ADCY2: variants seen among roughly 807,000 people sequenced by gnomAD.
ADCY2 encodes the protein adenylate cyclase 2.
Under a neutral mutation model 125.2 loss-of-function variants are expected in ADCY2, and 31 were observed. The observed-to-expected ratio is 0.25, with a 90% CI of 0.19 to 0.33. ADCY2 has a LOEUF of 0.33. Among genes scored for constraint, ADCY2 ranks in the 10% least tolerant of loss-of-function variants. ADCY2 has a pLI of 1.00. For missense variants in ADCY2, 904 were observed against 1,418.2 expected (o/e 0.64, Z 5.82); for synonymous variants, 512 against 548.4 (o/e 0.93, Z 0.93).
intron 3 of ADCY2, among the ~76,000 whole-genome samples, chr5:7,557,477 A>G (rs1363167559): frequency 6.6e-6 from 1 of 152,064 alleles, no homozygotes; most frequent in Non-Finnish European, 1.5e-5. Context: ...TCACCCAGGT[A>G]TTAAGCCTAG....
At chr5:7,821,953 T>C (rs185241973) in intron 24 of ADCY2, among the ~76,000 whole-genome samples, 2 of 151,842 alleles carry the variant, frequency 1.3e-5, no homozygotes, top group South Asian at 2.1e-4. Flanking sequence ...AGGAAGGAGA[T>C]TGGAACAGTG....
At chr5:7,473,433 T>A (rs1335492940) in intron 2 of ADCY2, among the ~76,000 whole-genome samples, 3 of 151,840 alleles carry the variant, frequency 2.0e-5, no homozygotes, top group Non-Finnish European at 2.9e-5. Context: ...GGACAAGAAT[T>A]CACTCATTAT....
chr5:7,400,244 T>G (rs953706019), intron 1 of ADCY2, among the ~76,000 whole-genome samples: 15 of 152,236 alleles, frequency 9.9e-5, no homozygotes, highest in Non-Finnish European at 2.9e-5. Flanking sequence ...AAAGTAGATT[T>G]TTTTTAGTAT....
intron 4 of ADCY2, among the ~76,000 whole-genome samples, chr5:7,653,276 C>T (rs764333213): frequency 2.0e-5 from 3 of 152,050 alleles, no homozygotes; most frequent in Admixed American, 6.6e-5. Context: ...CCAGCCTGGG[C>T]GTGGGTTTCA....
chr5:7,467,173 T>C (rs1055501330), intron 2 of ADCY2, among the ~76,000 whole-genome samples: 2 of 152,214 alleles, frequency 1.3e-5, no homozygotes, highest in African/African-American at 4.8e-5. Flanking sequence ...CTAACCCAGA[T>C]AGTGGCTTCG....
At position 7,816,888 on chromosome 5, in the gene ADCY2, A is replaced by G; in HGVS notation, c.2906A>G (p.His969Arg). The G allele has an allele frequency of 6.2e-7, 1 of 1,614,192 alleles. No individual in the cohort carries two copies. The highest frequency in any genetic ancestry group is 8.5e-7 in the Non-Finnish European group (1 of 1,180,026). Reference sequence around the variant, plus strand: ...CAGGAGCCCGAGCGGCAGTACATGCACATTGGCACCATGGTGGAGTTTGCT... The same window carrying G: ...CAGGAGCCCGAGCGGCAGTACATGCGCATTGGCACCATGGTGGAGTTTGCT... ...HSQEPERQYM[H>R]IGTMVEFAFA... Residue 969 changes from histidine (H) to arginine (R), a missense_variant, in exon 23 of 25, where the codon CAC (histidine) becomes CGC (arginine). By Grantham distance (29) the His-to-Arg change is conservative (BLOSUM62 0). This residue lies in a region of ADCY2 where 181 missense variants were observed against 381.6 expected (regional missense o/e 0.47). Coordinates refer to ENST00000338316, the MANE Select transcript of ADCY2 (RefSeq NM_020546.3).
Position 7,652,839 on chromosome 5 carries a change from G to A in ADCY2, c.720+26523G>A, listed in dbSNP as rs549804171. Among the ~76,000 whole-genome samples the A allele has an allele frequency of 1.0e-3, 156 of 152,230 alleles. 2 individuals are homozygous for A. Among genetic ancestry groups the A allele is most frequent in the African/African-American group, 3.6e-3 (150 of 41,546 alleles). ...AAGAGACCCTCTCTTGCTCTGTGGC[G>A]TGCCCTGACCAAGACACACTGACCT... is the stretch of plus-strand genomic sequence containing the variant. On this transcript the variant is annotated intron_variant, in intron 4 of 24. Coordinates refer to ENST00000338316, the MANE Select transcript of ADCY2 (RefSeq NM_020546.3).
chr5:7,619,759 A>G (rs1212638683), intron 3 of ADCY2, among the ~76,000 whole-genome samples: 1 of 152,192 alleles, frequency 6.6e-6, no homozygotes, highest in Non-Finnish European at 1.5e-5. Context: ...AGGGAAGCCA[A>G]AATCTTCATG....
intron 3 of ADCY2, among the ~76,000 whole-genome samples, chr5:7,611,524 A>G (rs949712241): frequency 5.9e-5 from 9 of 152,166 alleles, no homozygotes; most frequent in South Asian, 2.1e-4. Flanking sequence ...ATGGAAATGA[A>G]TATTTTTAAC....
chr5:7,617,596 A>C (rs953328465), intron 3 of ADCY2, among the ~76,000 whole-genome samples: 4 of 152,212 alleles, frequency 2.6e-5, no homozygotes, highest in Non-Finnish European at 4.4e-5. Flanking sequence ...AGTCTTGTCC[A>C]CTTGGGAAAA....
intron 7 of ADCY2, 152 bp from the exon 8 acceptor site, chr5:7,706,592 G>A: frequency 2.4e-6 from 2 of 822,342 alleles, no homozygotes; most frequent in Non-Finnish European, 3.9e-6. Context: ...TCCCTTCTTA[G>A]CTCAGAGGAG....
At chr5:7,512,255 G>C (rs1381065725) in intron 2 of ADCY2, among the ~76,000 whole-genome samples, 1 of 99,198 alleles carries the variant, frequency 1.0e-5, no homozygotes, top group Non-Finnish European at 2.0e-5. Flanking sequence ...ACCATCAGAG[G>C]GCTATAAACA....
chr5:7,774,769 G>A (rs892866642), intron 18 of ADCY2, among the ~76,000 whole-genome samples: 9 of 152,230 alleles, frequency 5.9e-5, no homozygotes, highest in South Asian at 2.1e-4. Context: ...GAGAAGCCTC[G>A]GCGACTTGCC....
At position 7,627,103 on chromosome 5, in the gene ADCY2, C is replaced by T. The variant is rs529782649; in HGVS notation, c.720+787C>T. ...AGCCTCCCCCTCATCGCCCCCTCAC[C>T]GTGCTGTGCCATCACAGCACTTCCT... On this transcript the variant is annotated intron_variant, in intron 4 of 24. Transcript: ENST00000338316. Among the ~76,000 whole-genome samples the T allele has an allele frequency of 1.9e-3, 294 of 152,234 alleles. 2 individuals carry two copies. The highest frequency in any genetic ancestry group is 3.2e-3 in the Non-Finnish European group (220 of 68,012).
intron 4 of ADCY2, among the ~76,000 whole-genome samples, chr5:7,643,320 G>A (rs935571609): frequency 2.0e-5 from 3 of 151,800 alleles, no homozygotes; most frequent in Admixed American, 6.6e-5. Flanking sequence ...AATACTGTTG[G>A]GACGTACATT....
chr5:7,573,675 G>A (rs567621690), intron 3 of ADCY2, among the ~76,000 whole-genome samples: 6 of 148,092 alleles, frequency 4.1e-5, no homozygotes, highest in African/African-American at 1.2e-4. Flanking sequence ...CTTCCACAGC[G>A]TGGAAGGGGT....
chr5:7,415,864 G>A (rs975389923), intron 2 of ADCY2, among the ~76,000 whole-genome samples: 9 of 152,300 alleles, frequency 5.9e-5, no homozygotes, highest in Middle Eastern at 3.4e-3. Flanking sequence ...CTAGTTTAGA[G>A]CTTGTCAACC....
intron 3 of ADCY2, among the ~76,000 whole-genome samples, chr5:7,612,948 G>A (rs891690584): frequency 5.9e-5 from 9 of 152,012 alleles, no homozygotes; most frequent in African/African-American, 1.7e-4. Context: ...CCCGGGAGGC[G>A]GAGCTTGCAG....
chr5:7,734,939 A>C (rs1253132576), intron 14 of ADCY2, among the ~76,000 whole-genome samples: 1 of 152,178 alleles, frequency 6.6e-6, no homozygotes, highest in East Asian at 1.9e-4. Flanking sequence ...CACATGGCAG[A>C]AAGAAATAGT....
Sources: allele counts gnomAD v4.1 joint callset (sites outside exome capture counted in the v4.1 genomes callset), GRCh38; gene constraint gnomAD v4.1.1; regional missense constraint gnomAD v4.1.1; transcripts MANE v1.5; gene names NCBI Gene and HGNC (gene_info 2026-07-23, HGNC 2026-07-21).